KCNQ5: variants seen among roughly 807,000 people sequenced by gnomAD.
KCNQ5 encodes the protein potassium voltage-gated channel subfamily KQT member 5.
In KCNQ5, 30 loss-of-function variants were observed where a neutral mutation model predicts 98.2. The observed-to-expected ratio is 0.31, with a 90% CI of 0.23 to 0.41. The LOEUF (loss-of-function observed/expected upper bound fraction) is 0.41. Ranked by LOEUF, KCNQ5 falls within the 10% of genes least tolerant of loss-of-function variation. The pLI, the probability that KCNQ5 is intolerant of heterozygous loss-of-function variation, is 1.00. For missense variants in KCNQ5, 835 were observed against 1,182.5 expected (o/e 0.71, Z 4.31); for synonymous variants, 458 against 449.4 (o/e 1.02, Z -0.24).
intron 2 of KCNQ5, among the ~76,000 whole-genome samples, chr6:73,023,853 G>C (rs529408811): frequency 6.6e-6 from 1 of 152,216 alleles, no homozygotes; most frequent in South Asian, 2.1e-4. Flanking sequence ...GAGCTCACTG[G>C]GAACCATTCT....
intron 1 of KCNQ5, among the ~76,000 whole-genome samples, chr6:72,958,692 G>T (rs1767201272): frequency 6.6e-6 from 1 of 152,174 alleles, no homozygotes; most frequent in Non-Finnish European, 1.5e-5. Context: ...ATGTTATCAG[G>T]CCTTACACTA....
At chr6:73,171,552 C>A (rs1346235087) in intron 11 of KCNQ5, among the ~76,000 whole-genome samples, 4 of 152,138 alleles carry the variant, frequency 2.6e-5, no homozygotes, top group African/African-American at 9.7e-5. Context: ...GCTACTGAGG[C>A]TATTTAAATT....
At chr6:72,700,014 G>GATTAA (rs1768713400) in intron 1 of KCNQ5, among the ~76,000 whole-genome samples, 1 of 152,084 alleles carries the variant, frequency 6.6e-6, no homozygotes, top group Non-Finnish European at 1.5e-5. Context: ...CTTGTTTGAG[G>GATTAA]ATTAAATGAA....
chr6:72,907,699 C>G (rs1779759721), intron 1 of KCNQ5, among the ~76,000 whole-genome samples: 2 of 152,082 alleles, frequency 1.3e-5, no homozygotes, highest in African/African-American at 4.8e-5. Context: ...AAGCTTTCAA[C>G]ACAGTTTATG....
chr6:72,951,803 A>G (rs1766821922), intron 1 of KCNQ5, among the ~76,000 whole-genome samples: 1 of 152,186 alleles, frequency 6.6e-6, no homozygotes, highest in African/African-American at 2.4e-5. Context: ...ACAAGGGCAA[A>G]GTTTAACTCT....
chr6:72,653,133 C>T (rs1224067672), intron 1 of KCNQ5, among the ~76,000 whole-genome samples: 2 of 151,654 alleles, frequency 1.3e-5, no homozygotes, highest in Admixed American at 1.3e-4. Flanking sequence ...CTTGGATTTT[C>T]GTTATAATAT....
At chr6:72,959,029 C>T (rs1193965280) in intron 1 of KCNQ5, among the ~76,000 whole-genome samples, 1 of 152,194 alleles carries the variant, frequency 6.6e-6, no homozygotes, top group Non-Finnish European at 1.5e-5. Flanking sequence ...TATCTCAACA[C>T]TTAGAATATT....
At chr6:72,725,887 A>G (rs1340675378) in intron 1 of KCNQ5, among the ~76,000 whole-genome samples, 2 of 152,190 alleles carry the variant, frequency 1.3e-5, no homozygotes, top group Non-Finnish European at 1.5e-5. Context: ...TCCATTTTGG[A>G]TTAGAATATT....
At chr6:72,969,906 C>G (rs1202971166) in intron 1 of KCNQ5, among the ~76,000 whole-genome samples, 1 of 152,124 alleles carries the variant, frequency 6.6e-6, no homozygotes, top group East Asian at 1.9e-4. Context: ...ACTTCTGAAC[C>G]TCTTGGCAGG....
At chr6:72,994,611 A>G (rs537845216) in intron 1 of KCNQ5, among the ~76,000 whole-genome samples, 12 of 150,450 alleles carry the variant, frequency 8.0e-5, no homozygotes, top group Admixed American at 2.6e-4. Context: ...TGCAGAAATC[A>G]CCCGTCTTCT....
intron 11 of KCNQ5, among the ~76,000 whole-genome samples, chr6:73,185,371 G>A (rs1020590388): frequency 6.6e-5 from 10 of 152,020 alleles, no homozygotes; most frequent in African/African-American, 2.4e-5. Context: ...TGTAGAGACA[G>A]GGGTCTCACT....
chr6:72,999,018 T>C (rs1276411796), intron 1 of KCNQ5, among the ~76,000 whole-genome samples: 1 of 152,212 alleles, frequency 6.6e-6, no homozygotes, highest in Non-Finnish European at 1.5e-5. Context: ...TACCTGGGGA[T>C]TGTGTGTTTG....
At chr6:72,899,261 A>C (rs1246320935) in intron 1 of KCNQ5, among the ~76,000 whole-genome samples, 1 of 152,162 alleles carries the variant, frequency 6.6e-6, no homozygotes, top group Non-Finnish European at 1.5e-5. Context: ...TTTTCTCAAA[A>C]TTCATTTCTA....
At chr6:72,968,868 A>C (rs529685770) in intron 1 of KCNQ5, among the ~76,000 whole-genome samples, 40 of 152,314 alleles carry the variant, frequency 2.6e-4, no homozygotes, top group African/African-American at 8.7e-4. Context: ...TTGTTTATTC[A>C]TCTCTCAAGT....
intron 5 of KCNQ5, among the ~76,000 whole-genome samples, chr6:73,087,585 A>G (rs1326443114): frequency 6.6e-6 from 1 of 152,178 alleles, no homozygotes. Context: ...AACATTTAAG[A>G]TCACCTGGAA....
At chr6:72,630,382 A>G (rs999637122) in intron 1 of KCNQ5, 23 of 152,132 alleles carry the variant, frequency 1.5e-4, no homozygotes, top group African/African-American at 4.8e-4. Context: ...CAGTGGCTGG[A>G]TAATCTAATT....
chr6:72,917,017 C>A (rs2150211981), intron 1 of KCNQ5, among the ~76,000 whole-genome samples: 1 of 152,260 alleles, frequency 6.6e-6, no homozygotes, highest in East Asian at 1.9e-4. Flanking sequence ...AACATATTCC[C>A]TGGCCATGGA....
At chr6:72,836,357 A>C (rs1310371612) in intron 1 of KCNQ5, among the ~76,000 whole-genome samples, 1 of 152,220 alleles carries the variant, frequency 6.6e-6, no homozygotes, top group Non-Finnish European at 1.5e-5. Context: ...TGTGACCCTC[A>C]GATAAGTATC....
At position 72,714,461 on chromosome 6, in the gene KCNQ5, GA is replaced by G. The variant is rs371071602; in HGVS notation, c.398+91884del. ...ATGGAAATGGATCCTCCACTAAACT[GA>G]AAAAAAAAAGCCTTTATAACACATC... On this transcript the variant is annotated intron_variant, in intron 1 of 13. Coordinates refer to ENST00000370398, the MANE Select transcript of KCNQ5 (RefSeq NM_019842.4). Among the ~76,000 whole-genome samples, 9 of 143,524 alleles carry G rather than the reference GA, an allele frequency of 6.3e-5. No homozygotes were observed. In the East Asian group the frequency reaches 8.0e-4, roughly 13 times the overall value. 94.2% of individuals were successfully genotyped at this position (143,524 alleles called of 152,430 possible).
Sources: gnomAD v4.1 joint callset for allele counts (sites outside exome capture counted in the v4.1 genomes callset) on GRCh38, gnomAD v4.1.1 for gene constraint, MANE v1.5 for transcripts, NCBI Gene and HGNC (gene_info 2026-07-23, HGNC 2026-07-21) for gene names.